Variants in DLG2 observed in about 807,000 individuals in gnomAD.
DLG2 encodes the protein discs large MAGUK scaffold protein 2, also known as disks large homolog 2.
DLG2 carries 45 observed loss-of-function variants against 132.5 expected under a neutral mutation model. The observed-to-expected ratio is 0.34, with a 90% CI of 0.27 to 0.44. The LOEUF (loss-of-function observed/expected upper bound fraction) is 0.44. Among genes scored for constraint, DLG2 ranks in the 20% least tolerant of loss-of-function variants. The pLI, the probability that DLG2 is intolerant of heterozygous loss-of-function variation, is 1.00. For missense variants in DLG2, 1,045 were observed against 1,196.9 expected (o/e 0.87, Z 1.87); for synonymous variants, 424 against 419.6 (o/e 1.01, Z -0.13).
At chr11:85,277,285 A>G (rs868132073) in intron 4 of DLG2, among the ~76,000 whole-genome samples, 1 of 152,178 alleles carries the variant, frequency 6.6e-6, no homozygotes, top group Non-Finnish European at 1.5e-5. Flanking sequence ...GAAAGATTCT[A>G]TGAAAGCCTG....
At chr11:84,326,456 T>G (rs1440715582) in intron 7 of DLG2, among the ~76,000 whole-genome samples, 1 of 152,222 alleles carries the variant, frequency 6.6e-6, no homozygotes, top group Non-Finnish European at 1.5e-5. Flanking sequence ...AGACATTTTC[T>G]GATTTCCGTT....
intron 7 of DLG2, among the ~76,000 whole-genome samples, chr11:84,485,125 G>A (rs2099147548): frequency 1.3e-5 from 2 of 152,012 alleles, no homozygotes; most frequent in Admixed American, 1.3e-4. Flanking sequence ...TAGGTCCAGA[G>A]GTCTTTACAC....
chr11:83,972,082 T>A (rs1338395347), intron 12 of DLG2, among the ~76,000 whole-genome samples: 1 of 151,888 alleles, frequency 6.6e-6, no homozygotes, highest in Non-Finnish European at 1.5e-5. Flanking sequence ...GTAATGAAAA[T>A]CGGAATGGGA....
intron 4 of DLG2, among the ~76,000 whole-genome samples, chr11:85,189,495 A>T (rs1389004080): frequency 6.6e-6 from 1 of 152,228 alleles, no homozygotes; most frequent in Admixed American, 6.5e-5. Context: ...GCTAGTCTCA[A>T]AAGATTATAT....
intron 7 of DLG2, among the ~76,000 whole-genome samples, chr11:84,322,133 G>C (rs1025259460): frequency 2.6e-5 from 4 of 152,102 alleles, no homozygotes; most frequent in Non-Finnish European, 5.9e-5. Flanking sequence ...ATCAAACATG[G>C]AAGAAGACAA....
At chr11:84,550,940 G>C (rs568356777) in intron 6 of DLG2, among the ~76,000 whole-genome samples, 2 of 152,224 alleles carry the variant, frequency 1.3e-5, no homozygotes, top group South Asian at 4.2e-4. Flanking sequence ...AAGCAGTTAT[G>C]AACAGCTGTC....
At chr11:84,706,181 T>C (rs2153749247) in intron 6 of DLG2, among the ~76,000 whole-genome samples, 1 of 151,844 alleles carries the variant, frequency 6.6e-6, no homozygotes, top group Non-Finnish European at 1.5e-5. Flanking sequence ...ACTAGGCAAG[T>C]TTAGAAAAAG....
chr11:85,468,595 G>T (rs1388460082), intron 3 of DLG2, among the ~76,000 whole-genome samples: 10 of 152,166 alleles, frequency 6.6e-5, no homozygotes, highest in Non-Finnish European at 1.5e-4. Context: ...GGAGCAGGTT[G>T]TTCAGTTTCC....
intron 4 of DLG2, among the ~76,000 whole-genome samples, chr11:85,246,099 T>C (rs901631917): frequency 2.0e-5 from 3 of 152,016 alleles, no homozygotes; most frequent in African/African-American, 7.2e-5. Context: ...TTATTGTCTA[T>C]AGCACCATGA....
intron 8 of DLG2, among the ~76,000 whole-genome samples, chr11:84,215,792 T>C (rs1349050861): frequency 6.6e-6 from 1 of 152,192 alleles, no homozygotes; most frequent in African/African-American, 2.4e-5. Flanking sequence ...TCACTGGTCA[T>C]GAACAGGTCA....
At chr11:85,547,209 C>T (rs1360702110) in intron 3 of DLG2, among the ~76,000 whole-genome samples, 1 of 152,146 alleles carries the variant, frequency 6.6e-6, no homozygotes, top group African/African-American at 2.4e-5. Flanking sequence ...AATCTCTCAG[C>T]ACTTGCTTGT....
chr11:85,583,855 T>C (rs1403163441), intron 3 of DLG2, among the ~76,000 whole-genome samples: 3 of 152,162 alleles, frequency 2.0e-5, no homozygotes, highest in African/African-American at 7.2e-5. Flanking sequence ...TGTATTGGGG[T>C]TGCAAATCTA....
chr11:84,959,289 T>C lies in DLG2; in HGVS notation c.357+152372A>G, dbSNP rs188900447. The stretch of plus-strand genomic sequence containing the variant: ...TAAAAATGCTATATAACATTAAAAT[T>C]CTCCACAGAATGATTCAAGGCAATG... On this transcript the variant is annotated intron_variant, in intron 6 of 27. Transcript: ENST00000376104. 3.3e-5 allele frequency among the ~76,000 whole-genome samples: 5 copies of C among 152,276 alleles called. No individual in the cohort carries two copies. In the South Asian group the frequency reaches 6.2e-4, roughly 19 times the overall value.
intron 7 of DLG2, among the ~76,000 whole-genome samples, chr11:84,364,109 A>C (rs1383643336): frequency 1.1e-4 from 16 of 151,762 alleles, no homozygotes; most frequent in East Asian, 7.7e-4. Flanking sequence ...GCAGTATGGC[A>C]ATTTTCACGA....
At chr11:84,638,607 T>C (rs2099644753) in intron 6 of DLG2, among the ~76,000 whole-genome samples, 1 of 152,350 alleles carries the variant, frequency 6.6e-6, no homozygotes, top group East Asian at 1.9e-4. Flanking sequence ...ATGAGTGTTA[T>C]TTTTTGAAAT....
intron 6 of DLG2, among the ~76,000 whole-genome samples, chr11:84,998,667 C>T (rs2057915247): frequency 6.6e-6 from 1 of 152,022 alleles, no homozygotes; most frequent in South Asian, 2.1e-4. Flanking sequence ...AAAGTATGTC[C>T]TTTTATACCT....
intron 19 of DLG2, among the ~76,000 whole-genome samples, chr11:83,614,960 T>C (rs2060595439): frequency 6.6e-6 from 1 of 152,218 alleles, no homozygotes; most frequent in Admixed American, 6.5e-5. Flanking sequence ...CAAGTGGTAT[T>C]CTGGATGGAG....
chr11:83,472,712 T>G lies in DLG2; in HGVS notation c.2344+15A>C. ...GGCCCAGAAATTAGGAATGAAAGCG[T>G]GCTGGGAAACTTACTTTCCTGCCTT... On this transcript the variant is annotated intron_variant, in intron 23 of 27. Transcript: ENST00000376104. The G allele has an allele frequency of 6.2e-7, 1 of 1,610,010 alleles. No individual in the cohort carries two copies. The highest frequency in any genetic ancestry group is 8.5e-7 in the Non-Finnish European group (1 of 1,177,786).
chr11:84,547,701 C>T (rs2099392974), intron 6 of DLG2, among the ~76,000 whole-genome samples: 1 of 152,152 alleles, frequency 6.6e-6, no homozygotes, highest in African/African-American at 2.4e-5. Flanking sequence ...CCATGTCTGA[C>T]TCCCTGAGAA....
Sources: gnomAD v4.1 joint callset for allele counts (sites outside exome capture counted in the v4.1 genomes callset) on GRCh38, gnomAD v4.1.1 for gene constraint, MANE v1.5 for transcripts, NCBI Gene and HGNC (gene_info 2026-07-23, HGNC 2026-07-21) for gene names.